Variants in NEK11 observed in about 807,000 individuals in gnomAD.
NEK11 encodes NIMA related kinase 11.
NEK11 carries 72 observed loss-of-function variants against 80.7 expected under a neutral mutation model. The observed-to-expected ratio is 0.89, with a 90% CI of 0.74 to 1.08. The LOEUF (loss-of-function observed/expected upper bound fraction) is 1.08. NEK11 is among the 50% of genes least tolerant of loss of function. The pLI is 0.00. For missense variants in NEK11, 764 were observed against 763.6 expected (o/e 1.00, Z -0.01); for synonymous variants, 251 against 260.7 (o/e 0.96, Z 0.36).
At position 131,050,496 on chromosome 3, in the gene NEK11, A is replaced by G. The variant is rs118051928; in HGVS notation, c.170+20618A>G. Among the ~76,000 whole-genome samples, 1,140 of 152,352 alleles carry G rather than the reference A, an allele frequency of 7.5e-3. 47 individuals carry two copies. Among genetic ancestry groups the G allele is most frequent in the Admixed American group, 0.058 (895 of 15,304 alleles). On this transcript the variant is annotated intron_variant, in intron 3 of 17. Coordinates refer to ENST00000383366, the MANE Select transcript of NEK11 (RefSeq NM_024800.5). ...ATTTGAAAGAATGTAGGAGACTTTT[A>G]TGACACCGTTGGTTTATTAAATCAT...
chr3:131,255,918 C>T (rs1256832846), intron 16 of NEK11, among the ~76,000 whole-genome samples: 3 of 152,166 alleles, frequency 2.0e-5, no homozygotes, highest in East Asian at 3.9e-4. Flanking sequence ...CTATACCTCA[C>T]TTCCATTTTC....
At chr3:131,072,881 C>CT (rs1442664103) in intron 3 of NEK11, among the ~76,000 whole-genome samples, 2 of 152,240 alleles carry the variant, frequency 1.3e-5, no homozygotes, top group African/African-American at 4.8e-5. Context: ...AATGCACAAG[C>CT]TTTTTTAACA....
chr3:131,153,692 T>C (rs1322056687), intron 9 of NEK11, among the ~76,000 whole-genome samples: 2 of 152,136 alleles, frequency 1.3e-5, no homozygotes, highest in Admixed American at 6.5e-5. Context: ...TGTGTACTTA[T>C]TAGTTGAGTG....
intron 17 of NEK11, among the ~76,000 whole-genome samples, chr3:131,342,803 G>T (rs2097306101): frequency 6.6e-6 from 1 of 151,842 alleles, no homozygotes; most frequent in Admixed American, 6.6e-5. Flanking sequence ...AGAAACCGAA[G>T]ACATAGAAAA....
chr3:131,081,511 C>T (rs2075274659), intron 4 of NEK11, among the ~76,000 whole-genome samples: 1 of 152,112 alleles, frequency 6.6e-6, no homozygotes, highest in African/African-American at 2.4e-5. Context: ...TGTGTAGCTG[C>T]AGTGTGAATC....
intron 3 of NEK11, among the ~76,000 whole-genome samples, chr3:131,073,948 G>A (rs79391100): frequency 0.025 from 3,802 of 152,184 alleles, 60 homozygotes; most frequent in Middle Eastern, 0.054. Context: ...TGAATAATGG[G>A]AATTGGTGGA....
At chr3:131,133,009 T>C (rs753777532) in intron 6 of NEK11, among the ~76,000 whole-genome samples, 200 bp downstream of exon 6, 27 of 152,128 alleles carry the variant, frequency 1.8e-4, no homozygotes, top group Non-Finnish European at 2.1e-4. Flanking sequence ...CAAAACCTAA[T>C]TGTTTTGTTT....
chr3:131,155,671 G>T (rs939243571), intron 10 of NEK11, among the ~76,000 whole-genome samples: 1 of 152,030 alleles, frequency 6.6e-6, no homozygotes, highest in Non-Finnish European at 1.5e-5. Context: ...TCTATAACTT[G>T]CAAGAACCCA....
At chr3:131,198,595 AC>A (rs367772956) in intron 14 of NEK11, among the ~76,000 whole-genome samples, 190 of 152,274 alleles carry the variant, frequency 1.2e-3, no homozygotes, top group African/African-American at 4.4e-3. Context: ...TGTCGCCAAT[AC>A]CCGTAAACAA....
At chr3:131,096,854 T>C (rs2077509594) in intron 4 of NEK11, among the ~76,000 whole-genome samples, 1 of 151,066 alleles carries the variant, frequency 6.6e-6, no homozygotes, top group South Asian at 2.1e-4. Flanking sequence ...CATTTAGCAT[T>C]AGGTATATCT....
At chr3:131,349,473 T>A in intron 17 of NEK11, 84 bp from the exon 18 acceptor site, 1 of 1,164,842 alleles carries the variant, frequency 8.6e-7, no homozygotes, top group South Asian at 1.4e-5. Flanking sequence ...ACAATGTTTG[T>A]AAAATCAATG....
chr3:131,269,075 A>G (rs1238055059), intron 16 of NEK11, among the ~76,000 whole-genome samples: 1 of 152,168 alleles, frequency 6.6e-6, no homozygotes, highest in Non-Finnish European at 1.5e-5. Context: ...TATGAGGGGA[A>G]AACCACCTAC....
chr3:131,155,579 A>G (rs2090511101), intron 10 of NEK11, among the ~76,000 whole-genome samples: 1 of 152,218 alleles, frequency 6.6e-6, no homozygotes, highest in Non-Finnish European at 1.5e-5. Flanking sequence ...CCTTCACATA[A>G]GAACTAAACA....
At chr3:131,304,812 T>C (rs1363110505) in intron 17 of NEK11, among the ~76,000 whole-genome samples, 7 of 152,148 alleles carry the variant, frequency 4.6e-5, no homozygotes, top group Admixed American at 4.6e-4. Flanking sequence ...CAAAGAGTTC[T>C]GTTGGGGCAA....
At chr3:131,104,832 G>A (rs952251249) in intron 4 of NEK11, among the ~76,000 whole-genome samples, 21 of 152,042 alleles carry the variant, frequency 1.4e-4, no homozygotes, top group Non-Finnish European at 2.4e-4. Flanking sequence ...CAGGGGAGCC[G>A]GGGGCCTCTC....
intron 3 of NEK11, among the ~76,000 whole-genome samples, chr3:131,036,873 G>A (rs2065729886): frequency 2.0e-5 from 3 of 152,208 alleles, no homozygotes; most frequent in Non-Finnish European, 4.4e-5. Context: ...GTTGCATTCA[G>A]TGTGAATGGC....
At chr3:131,178,317 A>G (rs2093153681) in intron 14 of NEK11, among the ~76,000 whole-genome samples, 4 of 152,336 alleles carry the variant, frequency 2.6e-5, no homozygotes, top group Admixed American at 2.6e-4. Flanking sequence ...TTCAACAGTA[A>G]ATTAACCTCA....
intron 4 of NEK11, among the ~76,000 whole-genome samples, chr3:131,100,278 T>TA (rs555076115): frequency 8.3e-4 from 127 of 152,280 alleles, no homozygotes; most frequent in Non-Finnish European, 1.3e-3. Context: ...TTGTGTATGT[T>TA]AAGCCAACCT....
At position 131,133,820 on chromosome 3, in the gene NEK11, T is replaced by A. The variant is rs751562318; in HGVS notation, c.521-10T>A. On this transcript the variant is annotated splice_polypyrimidine_tract_variant and intron_variant, in intron 6 of 17. Transcript: ENST00000383366. ...TTAAAGTATTCATAAAAATTAATTA[T>A]TATTTCAAGGAGATTTTGGAGTTTC... is the stretch of plus-strand genomic sequence containing the variant. The A allele has an allele frequency of 6.2e-7, 1 of 1,602,172 alleles. No individual in the cohort carries two copies.
Sources: gnomAD v4.1 joint callset for allele counts (sites outside exome capture counted in the v4.1 genomes callset) on GRCh38, gnomAD v4.1.1 for gene constraint, MANE v1.5 for transcripts, NCBI Gene and HGNC (gene_info 2026-07-23, HGNC 2026-07-21) for gene names.